Variants in CKAP5 observed in about 807,000 individuals in gnomAD.
CKAP5 encodes the protein cytoskeleton associated protein 5.
Under a neutral mutation model 232.8 loss-of-function variants are expected in CKAP5, and 27 were observed. The observed-to-expected ratio is 0.12, with a 90% confidence interval of 0.09 to 0.16. The LOEUF (loss-of-function observed/expected upper bound fraction) is 0.16, where lower values mean the gene tolerates loss of function less well. Among genes scored for constraint, CKAP5 ranks in the 10% least tolerant of loss-of-function variants. The pLI is 1.00. For synonymous variants in CKAP5, 785 were observed against 841.1 expected (o/e 0.93, Z 1.16); for missense variants, 1,838 against 2,424.7 (o/e 0.76, Z 5.08).
rs570385987 is a variant in CKAP5 at position 46,756,090 on chromosome 11, T to C, written c.4690-1023A>G. Reference sequence around the variant, plus strand: ...GTCCAAACTCAAAAACTCAGCTTTCTCACATACTGGTCCAGTGTTCTGTTG... The same window carrying C: ...GTCCAAACTCAAAAACTCAGCTTTCCCACATACTGGTCCAGTGTTCTGTTG... On this transcript the variant is annotated intron_variant, in intron 35 of 43. Transcript: ENST00000529230. 2.6e-5 allele frequency among the ~76,000 whole-genome samples: 4 copies of C among 152,342 alleles called. No homozygotes were observed. The East Asian group carries it at 5.8e-4, about 22-fold the overall frequency.
chr11:46,819,043 A>G (rs1297092645), intron 2 of CKAP5, among the ~76,000 whole-genome samples: 1 of 152,150 alleles, frequency 6.6e-6, no homozygotes, highest in Non-Finnish European at 1.5e-5. Flanking sequence ...TGGAGCTTAC[A>G]CTCCAGCAGG....
intron 32 of CKAP5, among the ~76,000 whole-genome samples, chr11:46,761,656 C>T (rs1430144453): frequency 6.6e-6 from 1 of 152,164 alleles, no homozygotes. Context: ...CACAAATAAG[C>T]ACTTTTTAAC....
chr11:46,769,403 A>G (rs1592445086), intron 26 of CKAP5, among the ~76,000 whole-genome samples: 1 of 151,966 alleles, frequency 6.6e-6, no homozygotes, highest in Admixed American at 6.6e-5. Flanking sequence ...CTATTCCAAA[A>G]CTCCTTTTGG....
At chr11:46,798,642 G>A (rs966429830) in intron 9 of CKAP5, among the ~76,000 whole-genome samples, 2 of 151,734 alleles carry the variant, frequency 1.3e-5, no homozygotes, top group Admixed American at 6.6e-5. Context: ...TACATGAAAT[G>A]TTAAATCCAG....
chr11:46,749,229 T>A (rs184262393), intron 42 of CKAP5, among the ~76,000 whole-genome samples: 2 of 151,088 alleles, frequency 1.3e-5, no homozygotes, highest in East Asian at 4.0e-4. Context: ...CCAAGGTGGG[T>A]GGATCACCTG....
At chr11:46,800,255 A>G (rs1443962518) in intron 9 of CKAP5, among the ~76,000 whole-genome samples, 1 of 152,150 alleles carries the variant, frequency 6.6e-6, no homozygotes. Flanking sequence ...CCCTAGTAAT[A>G]AGCCAGTCAT....
intron 33 of CKAP5, 107 bp downstream of exon 33, chr11:46,760,505 G>T: frequency 9.8e-7 from 1 of 1,021,526 alleles, no homozygotes; most frequent in Non-Finnish European, 1.5e-6. Context: ...ACTCTGTCAT[G>T]CATGATAATG....
At position 46,808,573 on chromosome 11, in the gene CKAP5, T is replaced by C. The variant is rs146468659; in HGVS notation, c.865-429A>G. Among the ~76,000 whole-genome samples the C allele has an allele frequency of 1.5e-3, 228 of 152,204 alleles. 3 individuals carry two copies. In the East Asian group the frequency reaches 0.035, roughly 23 times the overall value. On this transcript the variant is annotated intron_variant, in intron 7 of 43. Transcript: ENST00000529230. Reference sequence around the variant, plus strand: ...TAGTAATAATAATAAAAAATAAAACTGTGGAGGCAATCAGAACATTTTGTT... The same window carrying C: ...TAGTAATAATAATAAAAAATAAAACCGTGGAGGCAATCAGAACATTTTGTT...
chr11:46,789,571 CG>C (rs944736667), intron 15 of CKAP5, among the ~76,000 whole-genome samples: 4 of 151,830 alleles, frequency 2.6e-5, no homozygotes, highest in African/African-American at 9.7e-5. Context: ...CTGAGGCGGG[CG>C]GATCACGAGG....
intron 24 of CKAP5, 48 bp from the exon 25 acceptor site, chr11:46,771,030 T>G: frequency 6.7e-7 from 1 of 1,499,508 alleles, no homozygotes; most frequent in Non-Finnish European, 9.2e-7. Context: ...TGAAGACTGT[T>G]ATCATTTATG....
At chr11:46,837,381 GAC>G (rs2134718195) in intron 1 of CKAP5, among the ~76,000 whole-genome samples, 1 of 152,198 alleles carries the variant, frequency 6.6e-6, no homozygotes, top group South Asian at 2.1e-4. Flanking sequence ...ACTTAATATA[GAC>G]ACAGATGGCT....
In CKAP5 at chr11:46,755,070, G is replaced by C; in HGVS notation, c.4690-3C>G. 6.3e-7 allele frequency: 1 copy of C among 1,585,828 alleles called. No homozygotes were observed. The highest frequency in any genetic ancestry group is 8.6e-7 in the Non-Finnish European group (1 of 1,168,030). On this transcript the variant is annotated splice_region_variant and splice_polypyrimidine_tract_variant and intron_variant, in intron 35 of 43. Transcript: ENST00000529230. The stretch of plus-strand genomic sequence containing the variant: ...TCCTGTCTCAGGACCTCATCGATCT[G>C]ATAACAAAAATTTCAAGATATATTT...
At chr11:46,845,410 T>C (rs1305560333) in intron 1 of CKAP5, among the ~76,000 whole-genome samples, 4 of 152,204 alleles carry the variant, frequency 2.6e-5, no homozygotes, top group Non-Finnish European at 5.9e-5. Flanking sequence ...CGAATATATT[T>C]TCTAACACAC....
At chr11:46,811,211 C>T (rs369955195) in intron 4 of CKAP5, 33 bp from the exon 5 acceptor site, 105 of 1,548,360 alleles carry the variant, frequency 6.8e-5, no homozygotes, top group Non-Finnish European at 8.1e-5. Context: ...AAACTGTCAA[C>T]GTGCAATGCA....
At chr11:46,797,080 A>G in intron 11 of CKAP5, 140 bp from the exon 12 acceptor site, 1 of 924,446 alleles carries the variant, frequency 1.1e-6, no homozygotes, top group Non-Finnish European at 1.6e-6. Context: ...CCTTGTGCCA[A>G]TTGACAGTTA....
intron 1 of CKAP5, among the ~76,000 whole-genome samples, chr11:46,843,963 G>A (rs924122835): frequency 6.6e-6 from 1 of 152,236 alleles, no homozygotes; most frequent in Admixed American, 6.5e-5. Flanking sequence ...GCTCACACCT[G>A]TAATCCCAAC....
chr11:46,802,553 G>GAGAC (rs1555165924), intron 8 of CKAP5, among the ~76,000 whole-genome samples: 26 of 142,456 alleles, frequency 1.8e-4, no homozygotes, highest in African/African-American at 7.1e-4. Flanking sequence ...CAGACAGACA[G>GAGAC]ACAGACACAC....
rs150561419 is a variant in CKAP5, at chr11:46,790,099, C to T, written c.1852G>A (p.Ala618Thr). The change falls in exon 15 of 44, where the codon GCT becomes ACT. Residue 618 changes from alanine to threonine, a missense_variant. Around this residue, in one of 6 missense-constraint regions of CKAP5, gnomAD observed 767 missense variants for 954.6 expected, o/e 0.80. Coordinates refer to ENST00000529230, the MANE Select transcript of CKAP5 (RefSeq NM_001008938.4). ...ACCTTCTGGAACTCTTCCATACAAG[C>T]CAGCCTTTCTTTCCAGTTACTGCTG... ...LDSSNWKERLACMEEFQKAVE... is the reference protein window; with the variant it reads ...LDSSNWKERLTCMEEFQKAVE... The T allele has an allele frequency of 3.1e-6, 5 of 1,611,366 alleles. No homozygotes were observed. The African/African-American group carries it at 6.7e-5, about 22-fold the overall frequency.
At chr11:46,809,697 G>A (rs757913017) in intron 6 of CKAP5, 45 bp downstream of exon 6, 8 of 1,609,970 alleles carry the variant, frequency 5.0e-6, no homozygotes, top group Non-Finnish European at 3.4e-6. Flanking sequence ...GGCAGTGCCA[G>A]TTCTTGCTAA....
Sources: allele counts gnomAD v4.1 joint callset (sites outside exome capture counted in the v4.1 genomes callset), GRCh38; gene constraint gnomAD v4.1.1; regional missense constraint gnomAD v4.1.1; transcripts MANE v1.5; gene names NCBI Gene and HGNC (gene_info 2026-07-23, HGNC 2026-07-21).